The following GDA variants were observed in gnomAD, a reference collection of about 807,000 sequenced individuals.
GDA encodes guanine deaminase.
Under a neutral mutation model 59.6 loss-of-function variants are expected in GDA, and 18 were observed. That is an observed-to-expected ratio of 0.30 (90% CI 0.21 to 0.45). The LOEUF (loss-of-function observed/expected upper bound fraction) is 0.45. Ranked by LOEUF, GDA falls within the 20% of genes least tolerant of loss-of-function variation. The pLI is 1.00. For synonymous variants in GDA, 201 were observed against 201.1 expected (o/e 1.00, Z 0.00); for missense variants, 427 against 552.3 (o/e 0.77, Z 2.27).
At chr9:72,220,924 C>G (rs1836773890) in intron 6 of GDA, among the ~76,000 whole-genome samples, 1 of 152,158 alleles carries the variant, frequency 6.6e-6, no homozygotes, top group African/African-American at 2.4e-5. Flanking sequence ...TGCCTCCACC[C>G]CTAACAGGCT....
At chr9:72,208,694 C>T (rs113739046) in intron 3 of GDA, among the ~76,000 whole-genome samples, 30 of 152,248 alleles carry the variant, frequency 2.0e-4, no homozygotes, top group Admixed American at 1.1e-3. Flanking sequence ...TCAAGTCCTT[C>T]GGTACTTAAT....
At chr9:72,142,773 T>G (rs1342793771) in intron 1 of GDA, among the ~76,000 whole-genome samples, 1 of 152,124 alleles carries the variant, frequency 6.6e-6, no homozygotes. Flanking sequence ...TTTTATTTAT[T>G]TATTTATTTA....
At chr9:72,247,206 G>T (rs1840235843) in intron 12 of GDA, among the ~76,000 whole-genome samples, 200 bp from the exon 13 acceptor site, 1 of 152,138 alleles carries the variant, frequency 6.6e-6, no homozygotes, top group East Asian at 1.9e-4. Context: ...GTAAACTTCT[G>T]TTAATTGCCA....
chr9:72,204,405 A>G (rs1465153423), intron 3 of GDA, among the ~76,000 whole-genome samples: 1 of 152,212 alleles, frequency 6.6e-6, no homozygotes, highest in African/African-American at 2.4e-5. Flanking sequence ...AAGAAAAAAA[A>G]GGGGGAAGGA....
intron 3 of GDA, among the ~76,000 whole-genome samples, chr9:72,204,221 A>G (rs1471967749): frequency 6.6e-6 from 1 of 152,224 alleles, no homozygotes; most frequent in Non-Finnish European, 1.5e-5. Context: ...AAAGCTGAGA[A>G]GGACTAAAGC....
Position 72,214,592 on chromosome 9 carries a change from C to G in GDA, c.578+601C>G, listed in dbSNP as rs74308733. Among the ~76,000 whole-genome samples, 37 of 152,270 alleles carry G rather than the reference C, an allele frequency of 2.4e-4. 1 individual carries two copies. In the East Asian group the frequency reaches 7.1e-3, roughly 29 times the overall value. ...TACAGGCGTGAGCCACCACGCCCAG[C>G]CCACATCTGTCTTTTATGATAAGGA... On this transcript the variant is annotated intron_variant, in intron 5 of 13. Coordinates refer to ENST00000358399, the MANE Select transcript of GDA (RefSeq NM_004293.5).
chr9:72,116,583 A>G (rs1397284624), intron 1 of GDA, among the ~76,000 whole-genome samples: 1 of 151,798 alleles, frequency 6.6e-6, no homozygotes, highest in Admixed American at 6.6e-5. Context: ...GAGTTTCACT[A>G]CGTTGGTTGG....
At chr9:72,248,249 T>C (rs1587812127) in intron 13 of GDA, 23 bp from the exon 14 acceptor site, 1 of 1,518,174 alleles carries the variant, frequency 6.6e-7, no homozygotes, top group East Asian at 2.3e-5. Flanking sequence ...ATTTTATACA[T>C]GATTCCTTGA....
At chr9:72,181,786 A>G (rs1056171507) in intron 1 of GDA, among the ~76,000 whole-genome samples, 1 of 152,108 alleles carries the variant, frequency 6.6e-6, no homozygotes, top group Non-Finnish European at 1.5e-5. Context: ...TTACAGGTGT[A>G]AGCCACTGCA....
chr9:72,239,665 A>G (rs569138804), intron 10 of GDA, among the ~76,000 whole-genome samples: 7 of 152,292 alleles, frequency 4.6e-5, no homozygotes, highest in Middle Eastern at 3.4e-3. Flanking sequence ...CAGACAGACT[A>G]TTTCAAAGCT....
chr9:72,211,099 C>T (rs1180545741), intron 4 of GDA, among the ~76,000 whole-genome samples: 2 of 152,088 alleles, frequency 1.3e-5, no homozygotes, highest in African/African-American at 4.8e-5. Context: ...GGAAACTTTA[C>T]TAATTCTAGT....
chr9:72,209,522 G>T (rs977385439), intron 3 of GDA, among the ~76,000 whole-genome samples: 1 of 152,074 alleles, frequency 6.6e-6, no homozygotes, highest in South Asian at 2.1e-4. Flanking sequence ...TTGAGGATGT[G>T]AGTCATAGTT....
At chr9:72,208,379 TA>T (rs1200635370) in intron 3 of GDA, among the ~76,000 whole-genome samples, 1 of 152,232 alleles carries the variant, frequency 6.6e-6, no homozygotes, top group Non-Finnish European at 1.5e-5. Flanking sequence ...CCTCTGCATT[TA>T]AAAGCTTCTG....
intron 1 of GDA, among the ~76,000 whole-genome samples, chr9:72,187,766 C>A (rs189133366): frequency 2.7e-4 from 41 of 152,244 alleles, no homozygotes; most frequent in Admixed American, 2.2e-3. Flanking sequence ...AAGTTTTGAA[C>A]TTCTTAAAGA....
At chr9:72,148,971 C>T (rs1564160228), upstream of GDA, among the ~76,000 whole-genome samples, 1 of 152,202 alleles carries the variant, frequency 6.6e-6, no homozygotes, top group Non-Finnish European at 1.5e-5. Context: ...CACAATGACA[C>T]CCAGTTTAGG....
Position 72,118,273 on chromosome 9 carries a change from C to CAAAAAAAAA in GDA, c.-100+3456_-100+3464dup, listed in dbSNP as rs373179585. Among the ~76,000 whole-genome samples, 119 of 66,142 alleles carry CAAAAAAAAA rather than the reference C, an allele frequency of 1.8e-3. 8 individuals are homozygous for CAAAAAAAAA. The highest frequency in any genetic ancestry group is 6.8e-3 in the African/African-American group (100 of 14,768). 43.4% of individuals were successfully genotyped at this position (66,142 alleles called of 152,430 possible). ...GGCGACAGAGCAAGAGACTCCACCT[C>CAAAAAAAAA]AAAAAAAAAAAAAAAAAAAAAAAAG... On this transcript the variant is annotated intron_variant, in intron 1 of 13. Transcript: ENST00000545168.
intron 1 of GDA, among the ~76,000 whole-genome samples, chr9:72,166,837 C>T (rs1453153172): frequency 6.6e-6 from 1 of 152,152 alleles, no homozygotes; most frequent in African/African-American, 2.4e-5. Context: ...GTTATTCTGT[C>T]CTCACCAATT....
At chr9:72,232,402 CT>C (rs1838460189) in intron 10 of GDA, among the ~76,000 whole-genome samples, 2 of 152,082 alleles carry the variant, frequency 1.3e-5, no homozygotes, top group South Asian at 4.1e-4. Context: ...AAGTTTTTCC[CT>C]ATTTTATGGG....
intron 5 of GDA, among the ~76,000 whole-genome samples, chr9:72,216,373 C>T (rs1836111251): frequency 1.3e-5 from 2 of 152,310 alleles, no homozygotes; most frequent in South Asian, 4.1e-4. Context: ...AGGGGAAAAA[C>T]TGGGTCACCA....
Sources: allele counts gnomAD v4.1 joint callset (sites outside exome capture counted in the v4.1 genomes callset), GRCh38; gene constraint gnomAD v4.1.1; transcripts MANE v1.5; gene names NCBI Gene and HGNC (gene_info 2026-07-23, HGNC 2026-07-21).